The following FAT3 variants were observed in gnomAD, a reference collection of about 807,000 sequenced individuals.
FAT3 encodes FAT atypical cadherin 3, also known as protocadherin Fat 3.
In FAT3, 95 loss-of-function variants were observed where a neutral mutation model predicts 310.2. The observed-to-expected ratio is 0.31, with a 90% CI of 0.26 to 0.36. The LOEUF (loss-of-function observed/expected upper bound fraction) is 0.36, where lower values mean the gene tolerates loss of function less well. FAT3 is among the 10% of genes least tolerant of loss of function. The probability of loss-of-function intolerance (pLI) is 1.00; values close to 1 mark genes in which losing one functional copy is unlikely to be tolerated. For synonymous variants in FAT3, 2,314 were observed against 2,192.9 expected, an observed-to-expected ratio of 1.06 and a Z score of -1.54; for missense variants, 5,408 against 5,715.6, an observed-to-expected ratio of 0.95 and a Z score of 1.74.
At chr11:92,774,237 G>A in intron 7 of FAT3, 57 bp downstream of exon 7, 2 of 1,502,748 alleles carry the variant, frequency 1.3e-6, no homozygotes, top group Non-Finnish European at 8.9e-7. Context: ...AAAGTCAGGG[G>A]TGCAAGCAAT....
intron 1 of FAT3, among the ~76,000 whole-genome samples, chr11:92,288,319 AG>A (rs1317479663): frequency 6.6e-6 from 1 of 152,098 alleles, no homozygotes; most frequent in African/African-American, 2.4e-5. Context: ...TACTAATCAA[AG>A]GACATAAAGT....
intron 2 of FAT3, among the ~76,000 whole-genome samples, chr11:92,468,319 C>T (rs1951823095): frequency 6.6e-6 from 1 of 152,190 alleles, no homozygotes; most frequent in Admixed American, 6.5e-5. Context: ...CAAAAGGACA[C>T]ATTTTCATAT....
chr11:92,271,008 C>T (rs868536305), intron 1 of FAT3, among the ~76,000 whole-genome samples: 6 of 152,002 alleles, frequency 3.9e-5, no homozygotes, highest in African/African-American at 1.2e-4. Flanking sequence ...GGCCACTTCT[C>T]GTCATTTTTG....
intron 1 of FAT3, among the ~76,000 whole-genome samples, chr11:92,271,672 AT>A (rs1275850440): frequency 6.6e-6 from 1 of 152,126 alleles, no homozygotes; most frequent in Non-Finnish European, 1.5e-5. Flanking sequence ...GACATTTAAT[AT>A]TCTTCATTTG....
intron 2 of FAT3, among the ~76,000 whole-genome samples, chr11:92,468,479 T>C (rs1304235171): frequency 6.6e-6 from 1 of 152,148 alleles, no homozygotes; most frequent in Non-Finnish European, 1.5e-5. Context: ...AAGCCAGGTG[T>C]AGTGTAATTC....
In FAT3 at chr11:92,799,819, C is replaced by T; in HGVS notation, c.6806C>T (p.Ala2269Val). 1 of 1,613,286 alleles carries T rather than the reference C, an allele frequency of 6.2e-7. No homozygotes were observed. ...AGCGACGCCCTTACTGGTGCTAGGG[C>T]TGAAGTCACTGTTGACTTGCTAGTT... ...RASDALTGAR[A>V]EVTVDLLVND... The change falls in exon 10 of 28, where the codon GCT (alanine) becomes GTT (valine). Residue 2269 changes from alanine to valine, a missense_variant. Physicochemically the swap from Ala to Val is moderately conservative, Grantham distance 64. Coordinates refer to ENST00000525166, the MANE Select transcript of FAT3 (RefSeq NM_001367949.2).
At chr11:92,706,148 A>G (rs1384650066) in intron 4 of FAT3, among the ~76,000 whole-genome samples, 1 of 151,834 alleles carries the variant, frequency 6.6e-6, no homozygotes, top group Non-Finnish European at 1.5e-5. Flanking sequence ...AGTGAGGTTT[A>G]CTATTCCTAA....
Position 92,893,087 on chromosome 11 carries a change from C to G in FAT3, c.*1974C>G, listed in dbSNP as rs1949951167. ...CTAGTCTGTGCATTATTCACTCAGA[C>G]ATATTTTTAGTTATTTCAATTGCGT... On this transcript the variant is annotated 3_prime_UTR_variant, in exon 28 of 28. Coordinates refer to ENST00000525166, the MANE Select transcript of FAT3 (RefSeq NM_001367949.2). 1 of 152,156 alleles carries G rather than the reference C, an allele frequency of 6.6e-6. No homozygotes were observed. The highest frequency in any genetic ancestry group is 2.4e-5 in the African/African-American group (1 of 41,512). 9.4% of individuals were successfully genotyped at this position (152,156 alleles called of 1,614,324 possible). A position where few individuals can be genotyped will look rare whatever the true frequency, so the allele number is the denominator to read the frequency against.
chr11:92,477,510 G>A (rs1230336379), intron 2 of FAT3, among the ~76,000 whole-genome samples: 1 of 152,112 alleles, frequency 6.6e-6, no homozygotes, highest in Non-Finnish European at 1.5e-5. Flanking sequence ...ATGTTCTCCA[G>A]TGTTCTTTCT....
At chr11:92,497,653 G>A (rs1420789324) in intron 2 of FAT3, among the ~76,000 whole-genome samples, 1 of 151,956 alleles carries the variant, frequency 6.6e-6, no homozygotes, top group East Asian at 1.9e-4. Flanking sequence ...TAATTATTGA[G>A]GTGACACAGT....
intron 3 of FAT3, among the ~76,000 whole-genome samples, chr11:92,568,961 A>G (rs2135497088): frequency 6.6e-6 from 1 of 152,268 alleles, no homozygotes; most frequent in Middle Eastern, 3.4e-3. Flanking sequence ...AACTGGTAAC[A>G]CAAACCTGTC....
At chr11:92,584,624 G>T (rs1430215599) in intron 3 of FAT3, among the ~76,000 whole-genome samples, 1 of 69,322 alleles carries the variant, frequency 1.4e-5, no homozygotes, top group Non-Finnish European at 2.7e-5. Context: ...AATATAAAAT[G>T]GAGGTTGAAA....
intron 10 of FAT3, among the ~76,000 whole-genome samples, chr11:92,803,605 G>A (rs1241470391): frequency 6.6e-6 from 1 of 152,154 alleles, no homozygotes; most frequent in Non-Finnish European, 1.5e-5. Flanking sequence ...TGACATATGG[G>A]GCCAGATCAT....
chr11:92,402,019 A>G (rs570383901), intron 2 of FAT3, among the ~76,000 whole-genome samples: 1 of 152,362 alleles, frequency 6.6e-6, no homozygotes, highest in Admixed American at 6.5e-5. Context: ...ATACTCAGAT[A>G]TGACACAGAT....
intron 4 of FAT3, among the ~76,000 whole-genome samples, chr11:92,729,236 C>T (rs2135993706): frequency 6.6e-6 from 1 of 152,232 alleles, no homozygotes; most frequent in South Asian, 2.1e-4. Context: ...TGCAAACAAA[C>T]TGACTGACAA....
chr11:92,883,326 C>G lies in FAT3; in HGVS notation c.12870C>G (p.Pro4290=), dbSNP rs1165430643. Residue 4290 remains proline (P), a synonymous_variant, in exon 24 of 28, where the codon CCC becomes CCG. Transcript: ENST00000525166. This position sits in a 1 kb window ranked among gnomAD's most constrained non-coding sequence, Gnocchi z 4.2. ...TGTGCAGTGTGGCCCCCAACCTCCCCGCCGTGTCACCCTGCCGCTCCGACT... is the reference window on the plus strand; with the variant it reads ...TGTGCAGTGTGGCCCCCAACCTCCCGGCCGTGTCACCCTGCCGCTCCGACT... ...VVVCSVAPNL[P]AVSPCRSDCD... The G allele has an allele frequency of 6.2e-7, 1 of 1,611,398 alleles. No homozygotes were observed.
chr11:92,374,521 A>G (rs1428669470), intron 2 of FAT3, among the ~76,000 whole-genome samples: 1 of 152,214 alleles, frequency 6.6e-6, no homozygotes, highest in Non-Finnish European at 1.5e-5. Flanking sequence ...AAGATGGAGA[A>G]TAAGTTTGAC....
chr11:92,677,673 G>A (rs1488253857), intron 3 of FAT3, among the ~76,000 whole-genome samples: 1 of 152,218 alleles, frequency 6.6e-6, no homozygotes, highest in Non-Finnish European at 1.5e-5. Context: ...GAAGAAAGCA[G>A]AAGGGTAAGA....
chr11:92,847,496 G>A (rs1006195263), intron 19 of FAT3, among the ~76,000 whole-genome samples: 9 of 152,138 alleles, frequency 5.9e-5, no homozygotes, highest in South Asian at 2.1e-4. Flanking sequence ...ATTCATGACC[G>A]TAATGTGATT....
Sources: gnomAD v4.1 joint callset for allele counts (sites outside exome capture counted in the v4.1 genomes callset) on GRCh38, gnomAD v4.1.1 for gene constraint, Gnocchi (gnomAD v3.1) non-coding constraint, MANE v1.5 for transcripts, NCBI Gene and HGNC (gene_info 2026-07-23, HGNC 2026-07-21) for gene names.